Variants in RNF125 observed in about 807,000 individuals in gnomAD.
The protein encoded by RNF125 is E3 ubiquitin-protein ligase RNF125.
Under a neutral mutation model 26.0 loss-of-function variants are expected in RNF125, and 21 were observed. The observed-to-expected ratio is 0.81, with a 90% CI of 0.57 to 1.16. The LOEUF (loss-of-function observed/expected upper bound fraction) is 1.16, where lower values mean the gene tolerates loss of function less well. Among genes scored for constraint, RNF125 ranks in the 50% most tolerant of loss-of-function variants. The pLI, the probability that RNF125 is intolerant of heterozygous loss-of-function variation, is 0.00. For missense variants in RNF125, 270 were observed against 299.4 expected, an observed-to-expected ratio of 0.90 and a Z score of 0.72; for synonymous variants, 95 against 109.2, an observed-to-expected ratio of 0.87 and a Z score of 0.81.
the RNF125 span, among the ~76,000 whole-genome samples, chr18:32,082,759 C>T: frequency 7.9e-5 from 12 of 152,128 alleles, no homozygotes; most frequent in Non-Finnish European, 1.5e-5. Flanking sequence ...AGAATTATAG[C>T]ACTGGAAAAA....
At chr18:32,042,335 G>A in intron 3 of RNF125, 62 bp downstream of exon 3, 1 of 1,032,214 alleles carries the variant, frequency 9.7e-7, no homozygotes, top group East Asian at 2.6e-5. Flanking sequence ...GAATTTAATG[G>A]GCTGGAAACT....
the RNF125 span, among the ~76,000 whole-genome samples, chr18:32,089,362 C>G: frequency 6.6e-6 from 1 of 152,180 alleles, no homozygotes; most frequent in Admixed American, 6.5e-5. Flanking sequence ...TTCCCTTCTC[C>G]CAAATGCCAT....
intron 3 of RNF125, among the ~76,000 whole-genome samples, chr18:32,043,577 C>A (rs1429803397): frequency 6.6e-6 from 1 of 152,014 alleles, no homozygotes; most frequent in African/African-American, 2.4e-5. Context: ...GTTAGATTGA[C>A]CACAATGACC....
intron 1 of RNF125, among the ~76,000 whole-genome samples, chr18:32,022,177 G>A (rs1441119469): frequency 6.6e-6 from 1 of 152,198 alleles, no homozygotes; most frequent in Non-Finnish European, 1.5e-5. Flanking sequence ...TACATTTTCA[G>A]ACATGTTGAA....
intron 2 of RNF125, among the ~76,000 whole-genome samples, chr18:32,039,128 G>A (rs891282710): frequency 1.3e-5 from 2 of 151,228 alleles, no homozygotes; most frequent in Non-Finnish European, 2.9e-5. Flanking sequence ...GAGGCCAGGC[G>A]CAGTGGCTCA....
chr18:32,018,944 C>T lies in RNF125; in HGVS notation c.81C>T (p.Asp27=). The change falls in exon 1 of 6, where the codon GAC becomes GAT. Residue 27 remains aspartate (D), a synonymous_variant. Transcript: ENST00000217740. The part of the protein sequence containing the change: ...ATARALERRR[D]PELPVTSFDC... Reference sequence around the variant, plus strand: ...CGCGGGCCCTGGAGCGCAGGAGGGACCCGGAGTTGCCCGTCACGTCCTTCG... The same window carrying T: ...CGCGGGCCCTGGAGCGCAGGAGGGATCCGGAGTTGCCCGTCACGTCCTTCG... 3.1e-6 allele frequency: 5 copies of T among 1,613,548 alleles called. No homozygotes were observed. Among genetic ancestry groups the T allele is most frequent in the Non-Finnish European group, 4.2e-6 (5 of 1,179,816 alleles).
chr18:32,026,534 C>G (rs1206647150), intron 1 of RNF125, among the ~76,000 whole-genome samples: 1 of 151,844 alleles, frequency 6.6e-6, no homozygotes, highest in Admixed American at 6.6e-5. Context: ...ACCACTGTCC[C>G]CAGCCTGAGC....
the RNF125 span, among the ~76,000 whole-genome samples, chr18:32,086,621 A>G: frequency 6.6e-6 from 1 of 151,890 alleles, no homozygotes; most frequent in Admixed American, 6.6e-5. Flanking sequence ...CCCAGGTTCA[A>G]GTGATTCTCC....
At chr18:32,044,907 G>A (rs777710502) in intron 3 of RNF125, among the ~76,000 whole-genome samples, 15 of 151,772 alleles carry the variant, frequency 9.9e-5, no homozygotes, top group South Asian at 2.1e-4. Context: ...GATTGCTTGA[G>A]CTCAGGAGTT....
intron 1 of RNF125, among the ~76,000 whole-genome samples, chr18:32,029,636 T>C (rs1419369914): frequency 1.3e-5 from 2 of 151,428 alleles, no homozygotes; most frequent in African/African-American, 4.9e-5. Context: ...AAAAAATGAT[T>C]TACATTCAAA....
chr18:32,076,231 G>C, downstream of RNF125: 2 of 452,138 alleles, frequency 4.4e-6, no homozygotes, highest in Non-Finnish European at 8.3e-6. Flanking sequence ...TGGCATTGTT[G>C]ATGCTCTTGA....
intron 1 of RNF125, among the ~76,000 whole-genome samples, chr18:32,032,136 G>A (rs563363631): frequency 6.6e-6 from 1 of 152,264 alleles, no homozygotes; most frequent in South Asian, 2.1e-4. Context: ...GAGTGCAGTG[G>A]CACGATCTTG....
At chr18:32,019,140 C>A in intron 1 of RNF125, 113 bp downstream of exon 1, 1 of 1,316,362 alleles carries the variant, frequency 7.6e-7, no homozygotes, top group Non-Finnish European at 1.0e-6. Flanking sequence ...TAGGAAATTG[C>A]TGCAGGGAGA....
At chr18:32,080,906 G>T in the RNF125 span, among the ~76,000 whole-genome samples, 1 of 152,088 alleles carries the variant, frequency 6.6e-6, no homozygotes, top group African/African-American at 2.4e-5. Flanking sequence ...GTCAGAATGG[G>T]CTGGGCGCGG....
intron 1 of RNF125, among the ~76,000 whole-genome samples, chr18:32,027,144 G>C (rs1046919244): frequency 6.6e-6 from 1 of 151,774 alleles, no homozygotes; most frequent in East Asian, 1.9e-4. Context: ...CATCTCCTGG[G>C]GTCTTGTTCC....
intron 4 of RNF125, among the ~76,000 whole-genome samples, chr18:32,059,804 T>A (rs994673089): frequency 1.3e-5 from 2 of 151,482 alleles, no homozygotes; most frequent in African/African-American, 2.4e-5. Context: ...TATTTTTTTT[T>A]AATTTGATAC....
At chr18:32,038,516 AC>A (rs1345430528) in intron 2 of RNF125, among the ~76,000 whole-genome samples, 1 of 151,918 alleles carries the variant, frequency 6.6e-6, no homozygotes, top group Admixed American at 6.6e-5. Context: ...TCTGTTGCAG[AC>A]CACTAATGAA....
At chr18:32,031,485 GGAAAAAAAAAAAA>G (rs1460856330) in intron 1 of RNF125, 4 of 22,210 alleles carry the variant, frequency 1.8e-4, no homozygotes, top group African/African-American at 1.1e-3. Context: ...TCAAATTGTG[GGAAAAAAAAAAAA>G]AAAAAAAAAA....
In RNF125 at chr18:32,019,031, A is replaced by T. The variant is rs773214816; in HGVS notation, c.164+4A>T. 6.2e-7 allele frequency: 1 copy of T among 1,612,286 alleles called. No homozygotes were observed. ...TCCGGACCCGCTGTGGCCACGTGTA[A>T]GTTCCAGGGGAGCTCGGTTTGCGCC... On this transcript the variant is annotated splice_donor_region_variant and intron_variant, in intron 1 of 5. Coordinates refer to ENST00000217740, the MANE Select transcript of RNF125 (RefSeq NM_017831.4).
Sources: gnomAD v4.1 joint callset for allele counts (sites outside exome capture counted in the v4.1 genomes callset) on GRCh38, gnomAD v4.1.1 for gene constraint, MANE v1.5 for transcripts, NCBI Gene and HGNC (gene_info 2026-07-23, HGNC 2026-07-21) for gene names.